The following IPO5 variants were observed in gnomAD, a reference collection of about 807,000 sequenced individuals.
IPO5 encodes the protein importin-5.
IPO5 carries 18 observed loss-of-function variants against 143.3 expected under a neutral mutation model. The ratio of observed to expected loss-of-function variants is 0.13; its 90% CI spans 0.09 to 0.19. The LOEUF is 0.19. Among genes scored for constraint, IPO5 ranks in the 10% least tolerant of loss-of-function variants. The pLI is 1.00. For synonymous variants in IPO5, 477 were observed against 465.7 expected, an observed-to-expected ratio of 1.02 and a Z score of -0.31; for missense variants, 1,013 against 1,336.9, an observed-to-expected ratio of 0.76 and a Z score of 3.78.
chr13:97,970,010 C>T, intron 3 of IPO5, 180 bp downstream of exon 3: 1 of 578,506 alleles, frequency 1.7e-6, no homozygotes, highest in South Asian at 2.3e-5. Context: ...AAAGTCACTT[C>T]CTAAATGTCA....
intron 27 of IPO5, among the ~76,000 whole-genome samples, chr13:98,020,650 T>A (rs965098436): frequency 6.6e-6 from 1 of 152,248 alleles, no homozygotes; most frequent in African/African-American, 2.4e-5. Context: ...AATGTTTATA[T>A]AATTTTTTTG....
intron 13 of IPO5, 91 bp from the exon 14 acceptor site, chr13:98,002,376 T>C: frequency 7.6e-7 from 1 of 1,309,190 alleles, no homozygotes; most frequent in African/African-American, 1.5e-5. Context: ...TGTTACTCTT[T>C]TCCAAATAAG....
At chr13:97,954,451 A>G (rs1049223824) in intron 2 of IPO5, among the ~76,000 whole-genome samples, 3 of 152,190 alleles carry the variant, frequency 2.0e-5, no homozygotes, top group Non-Finnish European at 4.4e-5. Context: ...TCAAATCCCA[A>G]GATGTTCCAT....
intron 21 of IPO5, among the ~76,000 whole-genome samples, chr13:98,013,085 C>G (rs1478015543): frequency 6.6e-6 from 1 of 152,090 alleles, no homozygotes; most frequent in African/African-American, 2.4e-5. Flanking sequence ...GACACAGGGT[C>G]TCACTCTGTT....
Position 98,003,022 on chromosome 13 carries a change from A to C in IPO5, c.1482A>C (p.Val494=). 6.2e-7 allele frequency: 1 copy of C among 1,608,132 alleles called. No individual in the cohort carries two copies. The highest frequency in any genetic ancestry group is 8.5e-7 in the Non-Finnish European group (1 of 1,177,932). ...TGAAACATCTGCATTCCATTATGGTACTGAAGCTTCAAGAGGTAAGTTTTA... is the reference window on the plus strand; with the variant it reads ...TGAAACATCTGCATTCCATTATGGTCCTGAAGCTTCAAGAGGTAAGTTTTA... ...NLVKHLHSIM[V]LKLQELIQKG... Residue 494 remains valine (V), a synonymous_variant, in exon 16 of 29, where the codon GTA becomes GTC. Coordinates refer to ENST00000651721, the MANE Select transcript of IPO5 (RefSeq NM_002271.6).
At chr13:98,019,830 C>A in intron 27 of IPO5, 21 bp downstream of exon 27, 1 of 1,510,488 alleles carries the variant, frequency 6.6e-7, no homozygotes, top group Non-Finnish European at 9.2e-7. Context: ...AGACTGTGAC[C>A]TTATTTCCTT....
At chr13:98,013,294 G>A (rs1889864618) in intron 21 of IPO5, among the ~76,000 whole-genome samples, 1 of 152,094 alleles carries the variant, frequency 6.6e-6, no homozygotes, top group Non-Finnish European at 1.5e-5. Flanking sequence ...GGCCAGGCAG[G>A]TCTCGAACTC....
intron 9 of IPO5, 102 bp downstream of exon 9, chr13:97,990,639 C>T (rs921651503): frequency 2.1e-5 from 14 of 653,098 alleles, no homozygotes; most frequent in Admixed American, 9.6e-5. Context: ...TATGTTCTGG[C>T]GCTAGGCATA....
intron 13 of IPO5, among the ~76,000 whole-genome samples, chr13:98,001,282 TA>T: frequency 6.6e-6 from 1 of 152,272 alleles, no homozygotes; most frequent in East Asian, 1.9e-4. Flanking sequence ...TTGTGTTTTT[TA>T]ATTATAAAGT....
At chr13:98,019,540 T>C (rs546022940) in intron 26 of IPO5, 41 bp from the exon 27 acceptor site, 2 of 1,314,754 alleles carry the variant, frequency 1.5e-6, no homozygotes, top group South Asian at 2.4e-5. Flanking sequence ...TGCATGAAAA[T>C]GTGAGGTTTT....
chr13:97,975,919 A>ACGGGAGGAAGGGGCGC, intron 3 of IPO5: 1 of 985,480 alleles, frequency 1.0e-6, no homozygotes, highest in African/African-American at 1.7e-5. Context: ...GGAGAGCGCG[A>ACGGGAGGAAGGGGCGC]CGGGAGGAAG....
chr13:97,999,908 C>A (rs565954653), intron 12 of IPO5, among the ~76,000 whole-genome samples: 2 of 152,272 alleles, frequency 1.3e-5, no homozygotes, highest in East Asian at 1.9e-4. Flanking sequence ...TCTTTCAATA[C>A]TGCTTTTACT....
chr13:97,975,289 G>A (rs959104803), intron 3 of IPO5, among the ~76,000 whole-genome samples: 1 of 151,952 alleles, frequency 6.6e-6, no homozygotes, highest in Non-Finnish European at 1.5e-5. Context: ...AGGAGTTCGA[G>A]ACCAACTGGG....
At position 98,009,949 on chromosome 13, in the gene IPO5, T is replaced by G; in HGVS notation, c.1869T>G (p.Leu623=). 1.2e-6 allele frequency: 2 copies of G among 1,614,102 alleles called. No individual in the cohort carries two copies. The highest frequency in any genetic ancestry group is 1.7e-6 in the Non-Finnish European group (2 of 1,179,954). The part of the protein sequence containing the change: ...KILGKEFQQY[L]PVVMGPLMKT... ...TTGGAAAAGAATTTCAGCAATACCT[T>G]CCAGTGGTTATGGGGCCTTTAATGA... Residue 623 remains leucine, a synonymous_variant, in exon 19 of 29, where the codon CTT becomes CTG. Transcript: ENST00000651721.
Position 98,021,087 on chromosome 13 carries a change from A to C in IPO5, c.3161A>C (p.Glu1054Ala), listed in dbSNP as rs1328332319. The C allele has an allele frequency of 6.2e-7, 1 of 1,610,906 alleles. No individual in the cohort carries two copies. Among genetic ancestry groups the C allele is most frequent in the East Asian group, 2.2e-5 (1 of 44,574 alleles). ...EGEMHEAIKH[E>A]DPCAKRLANV... Reference sequence around the variant, plus strand: ...GAAATGCACGAGGCAATTAAACATGAAGATCCTTGTGCCAAACGTCTGGCC... The same window carrying C: ...GAAATGCACGAGGCAATTAAACATGCAGATCCTTGTGCCAAACGTCTGGCC... The change falls in exon 28 of 29, where the codon GAA (glutamate) becomes GCA (alanine). Residue 1054 changes from glutamate (E) to alanine (A), a missense_variant. Glu to Ala is a moderately radical substitution (Grantham distance 107, BLOSUM62 -1). Around this residue, in one of 2 missense-constraint regions of IPO5, gnomAD observed 685 missense variants for 994.9 expected, o/e 0.69. Coordinates refer to ENST00000651721, the MANE Select transcript of IPO5 (RefSeq NM_002271.6).
At chr13:98,011,763 C>G (rs1889738362) in intron 20 of IPO5, among the ~76,000 whole-genome samples, 1 of 152,274 alleles carries the variant, frequency 6.6e-6, no homozygotes, top group African/African-American at 2.4e-5. Context: ...CCTCAGCCTC[C>G]CAAAGTGCTG....
chr13:97,985,393 A>G (rs1887246144), intron 5 of IPO5, 28 bp from the exon 6 acceptor site: 2 of 1,549,504 alleles, frequency 1.3e-6, no homozygotes, highest in Non-Finnish European at 1.8e-6. Context: ...GAGTGAATCT[A>G]GTTATTAACA....
chr13:97,957,562 T>C (rs60086825), intron 2 of IPO5, among the ~76,000 whole-genome samples: 1,539 of 152,188 alleles, frequency 0.01, 26 homozygotes, highest in African/African-American at 0.035. Context: ...AGGTAGAGAA[T>C]TATATTAGTT....
intron 12 of IPO5, 49 bp downstream of exon 12, chr13:97,997,667 C>A: frequency 1.7e-6 from 2 of 1,150,896 alleles, no homozygotes; most frequent in Non-Finnish European, 2.6e-6. Context: ...TAGGGCTCCA[C>A]GGTCCATCTC....
Sources: allele counts gnomAD v4.1 joint callset (sites outside exome capture counted in the v4.1 genomes callset), GRCh38; gene constraint gnomAD v4.1.1; regional missense constraint gnomAD v4.1.1; transcripts MANE v1.5; gene names NCBI Gene and HGNC (gene_info 2026-07-23, HGNC 2026-07-21).